Variants in DCBLD2 observed in about 807,000 individuals in gnomAD.
The protein encoded by DCBLD2 is discoidin, CUB and LCCL domain containing 2, also known as discoidin, CUB and LCCL domain-containing protein 2.
Under a neutral mutation model 86.8 loss-of-function variants are expected in DCBLD2, and 54 were observed. That is an observed-to-expected ratio of 0.62 (90% CI 0.50 to 0.78). DCBLD2 has a LOEUF of 0.78. Ranked by LOEUF, DCBLD2 falls within the 30% of genes least tolerant of loss-of-function variation. The pLI is 0.00. For missense variants in DCBLD2, 908 were observed against 954.2 expected (o/e 0.95, Z 0.64); for synonymous variants, 354 against 341.3 (o/e 1.04, Z -0.41).
intron 1 of DCBLD2, among the ~76,000 whole-genome samples, chr3:98,894,685 C>T (rs930308218): frequency 2.0e-5 from 3 of 151,976 alleles, no homozygotes; most frequent in South Asian, 2.1e-4. Flanking sequence ...GCTCTGTTCC[C>T]GGCTCCTGAA....
rs202086393 is a variant in DCBLD2, at chr3:98,822,232, C to T, written c.826G>A (p.Val276Met). 2 of 1,613,752 alleles carry T rather than the reference C, an allele frequency of 1.2e-6. No homozygotes were observed. Among genetic ancestry groups the T allele is most frequent in the East Asian group, 2.2e-5 (1 of 44,878 alleles). The change falls in exon 6 of 16, where the codon GTG becomes ATG. Residue 276 changes from valine (V) to methionine (M), a missense_variant. Around this residue, in one of 3 missense-constraint regions of DCBLD2, gnomAD observed 606 missense variants for 678.5 expected, o/e 0.89. Transcript: ENST00000326840. ...ESSLANNVTS[V>M]VGHLSTSLFT... ...TTAAATTGCATATATACTTACACCACAGATGTGACGTTGTTAGCCAAAGAA... is the reference window on the plus strand; with the variant it reads ...TTAAATTGCATATATACTTACACCATAGATGTGACGTTGTTAGCCAAAGAA...
chr3:98,885,938 T>C (rs1299195878), intron 1 of DCBLD2, among the ~76,000 whole-genome samples: 1 of 151,624 alleles, frequency 6.6e-6, no homozygotes, highest in Non-Finnish European at 1.5e-5. Flanking sequence ...TAAAACATCT[T>C]ATCATGCACA....
intron 2 of DCBLD2, among the ~76,000 whole-genome samples, chr3:98,877,492 G>C (rs181305012): frequency 1.3e-5 from 2 of 152,226 alleles, no homozygotes; most frequent in Admixed American, 1.3e-4. Flanking sequence ...AAGAAAAATA[G>C]GAAAAGGATA....
At chr3:98,839,420 G>A (rs1173382648) in intron 3 of DCBLD2, among the ~76,000 whole-genome samples, 1 of 151,946 alleles carries the variant, frequency 6.6e-6, no homozygotes, top group African/African-American at 2.4e-5. Context: ...GTTTTTAGTT[G>A]GTCACCTTGG....
At chr3:98,850,868 C>A (rs910807449) in intron 2 of DCBLD2, among the ~76,000 whole-genome samples, 1 of 152,106 alleles carries the variant, frequency 6.6e-6, no homozygotes, top group Non-Finnish European at 1.5e-5. Flanking sequence ...ATTTTTAAAA[C>A]TCCATCCATA....
intron 3 of DCBLD2, among the ~76,000 whole-genome samples, chr3:98,840,021 CAAGTAA>C (rs1312408393): frequency 6.6e-6 from 1 of 152,094 alleles, no homozygotes; most frequent in East Asian, 1.9e-4. Context: ...CCACAGTAGA[CAAGTAA>C]AAGATGAAGT....
At chr3:98,886,808 C>CT (rs1559800589) in intron 1 of DCBLD2, among the ~76,000 whole-genome samples, 80 of 125,322 alleles carry the variant, frequency 6.4e-4, no homozygotes, top group Non-Finnish European at 9.0e-4. Context: ...AAACCCCCCC[C>CT]CTTTTTTTTT....
intron 2 of DCBLD2, among the ~76,000 whole-genome samples, chr3:98,880,881 C>G (rs1159424713): frequency 6.6e-6 from 1 of 152,142 alleles, no homozygotes; most frequent in East Asian, 1.9e-4. Context: ...GCTATACTGT[C>G]TCCTAAGCAT....
chr3:98,866,135 G>T (rs1215445157), intron 2 of DCBLD2, among the ~76,000 whole-genome samples: 1 of 152,118 alleles, frequency 6.6e-6, no homozygotes. Flanking sequence ...TTGGTTCCAA[G>T]TCTTTGCTAT....
chr3:98,876,887 ATAGG>A (rs1258517279), intron 2 of DCBLD2, among the ~76,000 whole-genome samples: 4 of 152,224 alleles, frequency 2.6e-5, no homozygotes, highest in South Asian at 4.1e-4. Context: ...GAAAACACTG[ATAGG>A]TAGGGAGAAA....
At chr3:98,849,748 T>TTA in intron 2 of DCBLD2, 150 bp from the exon 3 acceptor site, 1 of 915,544 alleles carries the variant, frequency 1.1e-6, no homozygotes, top group Non-Finnish European at 1.6e-6. Flanking sequence ...TTACCAATCA[T>TTA]ATTGCTCTGG....
intron 2 of DCBLD2, among the ~76,000 whole-genome samples, chr3:98,870,443 A>G (rs1559794175): frequency 1.3e-5 from 2 of 151,952 alleles, no homozygotes; most frequent in Non-Finnish European, 2.9e-5. Context: ...TTTTATTTGA[A>G]TTTAGGATTT....
chr3:98,842,482 G>C (rs1942638907), intron 3 of DCBLD2, among the ~76,000 whole-genome samples: 1 of 152,182 alleles, frequency 6.6e-6, no homozygotes, highest in Non-Finnish European at 1.5e-5. Context: ...TAGTGATTCA[G>C]AGCCAATTAA....
Position 98,901,624 on chromosome 3 carries a change from G to A in DCBLD2, c.-298C>T, listed in dbSNP as rs929198841. 2.4e-4 allele frequency: 57 copies of A among 236,162 alleles called. No individual in the cohort carries two copies. The highest frequency in any genetic ancestry group is 9.7e-5 in the Non-Finnish European group (12 of 123,122). The allele number at this position is 236,162 out of a possible 1,614,324, so 14.6% of individuals were successfully genotyped here. ...GGCGGAGCTAAGGAACGTGCCTCCCGCGCCGCGCTCCTCACCAGGGTCGCC... is the reference window on the plus strand; with the variant it reads ...GGCGGAGCTAAGGAACGTGCCTCCCACGCCGCGCTCCTCACCAGGGTCGCC... On this transcript the variant is annotated 5_prime_UTR_variant, in exon 1 of 16. Transcript: ENST00000326840.
intron 1 of DCBLD2, among the ~76,000 whole-genome samples, chr3:98,895,716 T>C (rs917228569): frequency 2.6e-5 from 4 of 152,146 alleles, no homozygotes; most frequent in African/African-American, 9.7e-5. Flanking sequence ...GAGTGGTGAG[T>C]TCTCTCTGCC....
intron 13 of DCBLD2, among the ~76,000 whole-genome samples, chr3:98,806,445 A>C (rs1941841032): frequency 6.6e-6 from 1 of 151,862 alleles, no homozygotes; most frequent in Non-Finnish European, 1.5e-5. Context: ...TCCTCTTTGG[A>C]ATTTCCTAAA....
At chr3:98,816,266 C>G (rs1274947345) in intron 9 of DCBLD2, 1 of 149,480 alleles carries the variant, frequency 6.7e-6, no homozygotes, top group Non-Finnish European at 1.5e-5. Flanking sequence ...ACCAAAAAAC[C>G]ACTGATCAAC....
chr3:98,823,821 G>A lies in DCBLD2; in HGVS notation c.624-1080C>T, dbSNP rs116135832. 7.0e-3 allele frequency among the ~76,000 whole-genome samples: 1,063 copies of A among 152,294 alleles called. 17 individuals carry two copies. The highest frequency in any genetic ancestry group is 0.024 in the African/African-American group (991 of 41,566). ...AAACAGGGAAATTAAGGAACTGTAT[G>A]CCCATTCACACAGTTAGCAGGTAGC... On this transcript the variant is annotated intron_variant, in intron 4 of 15. Coordinates refer to ENST00000326840, the MANE Select transcript of DCBLD2 (RefSeq NM_080927.4).
intron 1 of DCBLD2, among the ~76,000 whole-genome samples, chr3:98,883,549 A>T (rs976813549): frequency 6.6e-6 from 1 of 152,164 alleles, no homozygotes; most frequent in African/African-American, 2.4e-5. Flanking sequence ...ATTCTTTATC[A>T]TAAAGTTTGT....
Sources: allele counts gnomAD v4.1 joint callset (sites outside exome capture counted in the v4.1 genomes callset), GRCh38; gene constraint gnomAD v4.1.1; regional missense constraint gnomAD v4.1.1; transcripts MANE v1.5; gene names NCBI Gene and HGNC (gene_info 2026-07-23, HGNC 2026-07-21).